METTL8: variants seen among roughly 807,000 people sequenced by gnomAD.
The protein encoded by METTL8 is methyltransferase 8, tRNA N3-cytidine.
In METTL8, 32 loss-of-function variants were observed where a neutral mutation model predicts 48.7. That is an observed-to-expected ratio of 0.66 (90% CI 0.50 to 0.88). METTL8 has a LOEUF of 0.88. Ranked by LOEUF, METTL8 falls within the 40% of genes least tolerant of loss-of-function variation. The pLI is 0.00. For missense variants in METTL8, 464 were observed against 474.4 expected (o/e 0.98, Z 0.20); for synonymous variants, 136 against 157.1 (o/e 0.87, Z 1.01).
At chr2:171,333,977 T>C (rs937480585) in intron 5 of METTL8, among the ~76,000 whole-genome samples, 1 of 152,210 alleles carries the variant, frequency 6.6e-6, no homozygotes, top group Non-Finnish European at 1.5e-5. Context: ...ATGTTAGTCA[T>C]TATTATAATT....
At chr2:171,418,071 G>A (rs1169824840) in intron 1 of METTL8, among the ~76,000 whole-genome samples, 1 of 152,088 alleles carries the variant, frequency 6.6e-6, no homozygotes, top group East Asian at 1.9e-4. Flanking sequence ...AGCCTCCCGA[G>A]TAGCTGGGAC....
intron 2 of METTL8, among the ~76,000 whole-genome samples, chr2:171,363,817 T>TATATATATATATATATATATGTATA (rs1228494441): frequency 1.5e-5 from 2 of 129,056 alleles, no homozygotes; most frequent in African/African-American, 2.9e-5. Context: ...TATATATATC[T>TATATATATATATATATATATGTATA]TTTTTTTTTT....
rs1276378857 is a variant in METTL8 at position 171,319,756 on chromosome 2, C to G, written c.*4416G>C. The G allele has an allele frequency of 6.6e-6, 1 of 152,154 alleles. No individual in the cohort carries two copies. The highest frequency in any genetic ancestry group is 1.5e-5 in the Non-Finnish European group (1 of 68,030). The allele number at this position is 152,154 out of a possible 1,614,324, so 9.4% of individuals were successfully genotyped here. On this transcript the variant is annotated 3_prime_UTR_variant, in exon 10 of 10. Coordinates refer to ENST00000375258, the MANE Select transcript of METTL8 (RefSeq NM_001321154.2). Reference sequence around the variant, plus strand: ...AACTGTTATCTTGACTTTCTCACAACCTTCGGAAACAGTTCCTCATGTGTG... The same window carrying G: ...AACTGTTATCTTGACTTTCTCACAAGCTTCGGAAACAGTTCCTCATGTGTG...
chr2:171,429,234 G>C (rs1692730746), intron 1 of METTL8, among the ~76,000 whole-genome samples: 1 of 152,174 alleles, frequency 6.6e-6, no homozygotes, highest in South Asian at 2.1e-4. Context: ...GGAGTGTATT[G>C]CTAAACAAGT....
At chr2:171,375,298 G>A (rs1340824821) in intron 2 of METTL8, 3 of 798,432 alleles carry the variant, frequency 3.8e-6, no homozygotes, top group Admixed American at 1.8e-5. Flanking sequence ...ACGGACCAGA[G>A]ATATATGTTT....
chr2:171,382,159 A>T (rs972466058), intron 2 of METTL8, among the ~76,000 whole-genome samples: 12 of 152,276 alleles, frequency 7.9e-5, no homozygotes, highest in Admixed American at 5.9e-4. Flanking sequence ...TTCCTCAAGG[A>T]TCTAGAACCA....
At chr2:171,373,610 T>G (rs1351478803) in intron 2 of METTL8, among the ~76,000 whole-genome samples, 1 of 152,246 alleles carries the variant, frequency 6.6e-6, no homozygotes, top group Non-Finnish European at 1.5e-5. Context: ...TTTTATGGTT[T>G]TAGATCTAAC....
At chr2:171,431,931 G>A (rs113319395) in intron 1 of METTL8, among the ~76,000 whole-genome samples, 1,754 of 152,360 alleles carry the variant, frequency 0.012, 41 homozygotes, top group African/African-American at 0.04. Context: ...AGAGCCCACT[G>A]TGGGAGTCAC....
At chr2:171,398,967 GTTTTTTAA>G (rs1689384082) in intron 1 of METTL8, among the ~76,000 whole-genome samples, 1 of 152,142 alleles carries the variant, frequency 6.6e-6, no homozygotes, top group Admixed American at 6.6e-5. Context: ...AGGTGTTTCA[GTTTTTTAA>G]AATTTACTAT....
chr2:171,353,396 T>C (rs1266834714), intron 3 of METTL8, among the ~76,000 whole-genome samples: 1 of 152,228 alleles, frequency 6.6e-6, no homozygotes, highest in Non-Finnish European at 1.5e-5. Flanking sequence ...AACTATGTGG[T>C]CAATTTTGGA....
intron 2 of METTL8, among the ~76,000 whole-genome samples, chr2:171,367,996 G>A (rs1175710870): frequency 1.3e-5 from 2 of 152,130 alleles, no homozygotes; most frequent in African/African-American, 4.8e-5. Context: ...AAAACAATGA[G>A]GGGTAAAACT....
rs1298868974 is a variant in METTL8, at chr2:171,321,387, G to A, written c.*2785C>T. On this transcript the variant is annotated 3_prime_UTR_variant, in exon 10 of 10. Transcript: ENST00000375258. ...CCAGCTCAGCCTCCTGAGTAGCTGG[G>A]ACAACAGGTGCGTGCCACCATCACT... 2 of 152,166 alleles carry A rather than the reference G, an allele frequency of 1.3e-5. No individual in the cohort carries two copies. Among genetic ancestry groups the A allele is most frequent in the Non-Finnish European group, 2.9e-5 (2 of 68,084 alleles). 9.4% of individuals were successfully genotyped at this position (152,166 alleles called of 1,614,324 possible).
Position 171,344,888 on chromosome 2 carries a change from G to A in METTL8, c.236-5334C>T, listed in dbSNP as rs1432507260. On this transcript the variant is annotated intron_variant, in intron 3 of 9. Coordinates refer to ENST00000375258, the MANE Select transcript of METTL8 (RefSeq NM_001321154.2). ...AATTTCCTGAACTGCAAGAGTATCT[G>A]TGTTAACAGGGGAATTGGAGGAATT... Among the ~76,000 whole-genome samples the A allele has an allele frequency of 4.6e-5, 7 of 152,324 alleles. No homozygotes were observed. In the East Asian group the frequency reaches 1.3e-3, roughly 29 times the overall value.
intron 1 of METTL8, among the ~76,000 whole-genome samples, chr2:171,430,039 G>A (rs553581777): frequency 5.5e-5 from 8 of 145,104 alleles, no homozygotes; most frequent in East Asian, 4.1e-4. Flanking sequence ...AAAAAACTCC[G>A]TCTCAAAAAG....
chr2:171,377,886 C>T (rs534881480), intron 2 of METTL8, among the ~76,000 whole-genome samples: 2 of 152,050 alleles, frequency 1.3e-5, no homozygotes, highest in African/African-American at 4.8e-5. Flanking sequence ...GGGTATCTCC[C>T]AAAGGAAAAG....
intron 1 of METTL8, among the ~76,000 whole-genome samples, chr2:171,416,954 T>C (rs1252514473): frequency 6.6e-6 from 1 of 152,210 alleles, no homozygotes; most frequent in Admixed American, 6.5e-5. Flanking sequence ...CCATAATACA[T>C]CCCACTTTTG....
intron 1 of METTL8, among the ~76,000 whole-genome samples, chr2:171,395,573 G>A (rs1261741877): frequency 6.6e-6 from 1 of 152,126 alleles, no homozygotes; most frequent in Non-Finnish European, 1.5e-5. Context: ...AGACTTCAAT[G>A]AAAAGACTAT....
At chr2:171,381,328 T>C (rs113362095) in intron 2 of METTL8, among the ~76,000 whole-genome samples, 66 of 152,274 alleles carry the variant, frequency 4.3e-4, no homozygotes, top group African/African-American at 1.6e-3. Flanking sequence ...GGCAATACCA[T>C]TCAGGACATA....
At chr2:171,333,408 T>C (rs1405460485) in intron 5 of METTL8, among the ~76,000 whole-genome samples, 1 of 152,210 alleles carries the variant, frequency 6.6e-6, no homozygotes, top group Non-Finnish European at 1.5e-5. Flanking sequence ...TCAGATTATA[T>C]TCTTAAAGGC....
Sources: gnomAD v4.1 joint callset for allele counts (sites outside exome capture counted in the v4.1 genomes callset) on GRCh38, gnomAD v4.1.1 for gene constraint, MANE v1.5 for transcripts, NCBI Gene and HGNC (gene_info 2026-07-23, HGNC 2026-07-21) for gene names.